The following RAB31 variants were observed in gnomAD, a reference collection of about 807,000 sequenced individuals.
RAB31 encodes ras-related protein Rab-31.
RAB31 carries 21 observed loss-of-function variants against 25.6 expected under a neutral mutation model. The observed-to-expected ratio is 0.82, with a 90% confidence interval of 0.58 to 1.18. RAB31 has a LOEUF of 1.18. Among genes scored for constraint, RAB31 ranks in the 50% most tolerant of loss-of-function variants. RAB31 has a pLI of 0.00. For synonymous variants in RAB31, 87 were observed against 84.0 expected (o/e 1.04, Z -0.20); for missense variants, 196 against 250.1 (o/e 0.78, Z 1.46).
intron 2 of RAB31, among the ~76,000 whole-genome samples, chr18:9,788,531 A>G (rs2068444846): frequency 6.6e-6 from 1 of 152,244 alleles, no homozygotes; most frequent in Non-Finnish European, 1.5e-5. Context: ...CTGCCATACA[A>G]TCCAGCAGTT....
intron 2 of RAB31, among the ~76,000 whole-genome samples, chr18:9,788,246 A>G (rs1263159963): frequency 6.6e-6 from 1 of 152,248 alleles, no homozygotes; most frequent in African/African-American, 2.4e-5. Flanking sequence ...CTGAGTAGAC[A>G]TCTCTAAAAA....
Position 9,747,546 on chromosome 18 carries a change from G to A in RAB31, c.40-27732G>A, listed in dbSNP as rs528474400. On this transcript the variant is annotated intron_variant, in intron 1 of 6. Coordinates refer to ENST00000578921, the MANE Select transcript of RAB31 (RefSeq NM_006868.4). ...CAGCTGTAAAAATGAATAAACTACCGACACATGGTACAATGTGGATGAACC... is the reference window on the plus strand; with the variant it reads ...CAGCTGTAAAAATGAATAAACTACCAACACATGGTACAATGTGGATGAACC... 1.6e-4 allele frequency among the ~76,000 whole-genome samples: 25 copies of A among 152,238 alleles called. No individual in the cohort carries two copies. In the East Asian group the frequency reaches 2.1e-3, roughly 13 times the overall value.
intron 3 of RAB31, among the ~76,000 whole-genome samples, chr18:9,806,998 C>T (rs948637459): frequency 1.3e-5 from 2 of 152,094 alleles, no homozygotes; most frequent in Admixed American, 6.5e-5. Flanking sequence ...GCTGTGTGGC[C>T]AGTTTGGAGC....
At chr18:9,855,430 G>A (rs1424057736) in intron 6 of RAB31, among the ~76,000 whole-genome samples, 29 of 152,110 alleles carry the variant, frequency 1.9e-4, no homozygotes, top group Admixed American at 1.8e-3. Flanking sequence ...CTTTTCAGAT[G>A]TTTTTGTATA....
intron 1 of RAB31, among the ~76,000 whole-genome samples, chr18:9,728,036 G>A (rs1177232762): frequency 6.6e-6 from 1 of 152,108 alleles, no homozygotes; most frequent in Non-Finnish European, 1.5e-5. Context: ...GGTACACATA[G>A]GTATAAAATG....
At position 9,759,581 on chromosome 18, in the gene RAB31, T is replaced by C. The variant is rs906844156; in HGVS notation, c.40-15697T>C. Among the ~76,000 whole-genome samples, 17 of 110,450 alleles carry C rather than the reference T, an allele frequency of 1.5e-4. No individual in the cohort carries two copies. In the East Asian group the frequency reaches 4.9e-3, roughly 32 times the overall value. The allele number at this position is 110,450 out of a possible 152,430, so 72.5% of individuals were successfully genotyped here. A position where few individuals can be genotyped will look rare whatever the true frequency, so the allele number is the denominator to read the frequency against. ...TGCTCACAAAGGTTTCCATATGATT[T>C]AGGGGGATATTGGATGCCTGAGGTC... On this transcript the variant is annotated intron_variant, in intron 1 of 6. Coordinates refer to ENST00000578921, the MANE Select transcript of RAB31 (RefSeq NM_006868.4).
intron 5 of RAB31, among the ~76,000 whole-genome samples, chr18:9,823,172 T>C (rs1416039805): frequency 6.6e-6 from 1 of 152,178 alleles, no homozygotes; most frequent in Non-Finnish European, 1.5e-5. Context: ...AGGTTTCACA[T>C]TGCATGGTTC....
intron 1 of RAB31, among the ~76,000 whole-genome samples, chr18:9,729,541 G>A (rs1399537250): frequency 2.0e-5 from 3 of 146,496 alleles, no homozygotes; most frequent in African/African-American, 7.8e-5. Context: ...AAAAAAAAAA[G>A]TGTTTAGCTA....
At chr18:9,776,340 C>T (rs1166234625) in intron 2 of RAB31, among the ~76,000 whole-genome samples, 3 of 152,094 alleles carry the variant, frequency 2.0e-5, no homozygotes, top group African/African-American at 7.2e-5. Flanking sequence ...CAATGTATGT[C>T]TTTGTCTGTA....
At chr18:9,811,579 A>G (rs2068571084) in intron 3 of RAB31, among the ~76,000 whole-genome samples, 1 of 152,212 alleles carries the variant, frequency 6.6e-6, no homozygotes. Context: ...TCAAAACTTA[A>G]AAACCATATT....
rs549834829 is a variant in RAB31, at chr18:9,860,458, G to T, written c.*1133G>T. On this transcript the variant is annotated 3_prime_UTR_variant, in exon 7 of 7. Transcript: ENST00000578921. ...TGCCAAGGAACTGAGAATGGGCTCCGATGAAAACCTTCCTTTTCAGATTCC... is the reference window on the plus strand; with the variant it reads ...TGCCAAGGAACTGAGAATGGGCTCCTATGAAAACCTTCCTTTTCAGATTCC... The T allele has an allele frequency of 3.9e-5, 6 of 152,298 alleles. 1 individual carries two copies. Among genetic ancestry groups the T allele is most frequent in the Middle Eastern group, 6.8e-3 (2 of 294 alleles). The allele number at this position is 152,298 out of a possible 1,614,324, so 9.4% of individuals were successfully genotyped here.
At chr18:9,817,673 A>G (rs11875078) in intron 5 of RAB31, among the ~76,000 whole-genome samples, 30,683 of 152,190 alleles carry the variant, frequency 0.2, 3,869 homozygotes, top group Non-Finnish European at 0.29. Flanking sequence ...CAGATAAAAC[A>G]TATCTGTGAC....
Position 9,767,756 on chromosome 18 carries a change from C to T in RAB31, c.40-7522C>T, listed in dbSNP as rs540738921. Among the ~76,000 whole-genome samples, 5 of 152,182 alleles carry T rather than the reference C, an allele frequency of 3.3e-5. No homozygotes were observed. In the East Asian group the frequency reaches 9.6e-4, roughly 29 times the overall value. ...TTATTACACTTTAAGTTCTGGGACA[C>T]ATGTGCAGAACGTGCAGATTTGTTA... is the stretch of plus-strand genomic sequence containing the variant. On this transcript the variant is annotated intron_variant, in intron 1 of 6. Coordinates refer to ENST00000578921, the MANE Select transcript of RAB31 (RefSeq NM_006868.4).
intron 3 of RAB31, among the ~76,000 whole-genome samples, chr18:9,798,784 A>T (rs954355335): frequency 1.5e-4 from 6 of 39,680 alleles, no homozygotes; most frequent in Non-Finnish European, 3.4e-4. Flanking sequence ...ATGCGCAGCT[A>T]ATTTAAAAAA....
intron 1 of RAB31, among the ~76,000 whole-genome samples, chr18:9,742,183 A>T (rs1429032015): frequency 6.6e-6 from 1 of 152,224 alleles, no homozygotes; most frequent in Non-Finnish European, 1.5e-5. Flanking sequence ...GGTCTTTCAA[A>T]GCAGGCTCTT....
chr18:9,734,905 A>G (rs1416240434), intron 1 of RAB31: 1 of 304,676 alleles, frequency 3.3e-6, no homozygotes. Context: ...ATGATGACAG[A>G]CTGCTTTGGG....
intron 1 of RAB31, among the ~76,000 whole-genome samples, chr18:9,774,221 G>T (rs925667046): frequency 3.3e-5 from 5 of 152,150 alleles, no homozygotes; most frequent in African/African-American, 4.8e-5. Context: ...ACCTAAAGGG[G>T]AGCCTTCACT....
chr18:9,845,273 C>A (rs1430658605), intron 5 of RAB31, among the ~76,000 whole-genome samples: 1 of 152,196 alleles, frequency 6.6e-6, no homozygotes, highest in Non-Finnish European at 1.5e-5. Context: ...TTGAAATCAG[C>A]TGTAGCTCTG....
chr18:9,828,514 A>T (rs1270016053), intron 5 of RAB31, among the ~76,000 whole-genome samples: 2 of 152,218 alleles, frequency 1.3e-5, no homozygotes, highest in Admixed American at 6.5e-5. Context: ...GTGCTTCCAT[A>T]GTGTACACGG....
Sources: allele counts gnomAD v4.1 joint callset (sites outside exome capture counted in the v4.1 genomes callset), GRCh38; gene constraint gnomAD v4.1.1; transcripts MANE v1.5; gene names NCBI Gene and HGNC (gene_info 2026-07-23, HGNC 2026-07-21).